The following SCARA5 variants were observed in gnomAD, a reference collection of about 807,000 sequenced individuals.
SCARA5 encodes the protein scavenger receptor class A, member 5 (putative).
Under a neutral mutation model 46.3 loss-of-function variants are expected in SCARA5, and 45 were observed. The ratio of observed to expected loss-of-function variants is 0.97; its 90% CI spans 0.76 to 1.24. The LOEUF (loss-of-function observed/expected upper bound fraction) is 1.24. Ranked by LOEUF, SCARA5 falls within the 50% of genes most tolerant of loss-of-function variation. SCARA5 has a pLI of 0.00. For synonymous variants in SCARA5, 333 were observed against 306.5 expected (o/e 1.09, Z -0.90); for missense variants, 680 against 689.0 (o/e 0.99, Z 0.15).
intron 2 of SCARA5, among the ~76,000 whole-genome samples, chr8:27,987,216 C>T (rs922413029): frequency 3.3e-5 from 5 of 152,230 alleles, no homozygotes; most frequent in Admixed American, 3.3e-4. Context: ...GGAGCAGAAG[C>T]ATGGCCCTCG....
At chr8:27,984,140 C>A (rs1297669211) in intron 2 of SCARA5, among the ~76,000 whole-genome samples, 1 of 152,148 alleles carries the variant, frequency 6.6e-6, no homozygotes, top group Non-Finnish European at 1.5e-5. Context: ...TCTTCCTCTC[C>A]CATTTCACTC....
chr8:27,984,819 C>A (rs1439958649), intron 2 of SCARA5, among the ~76,000 whole-genome samples: 1 of 151,884 alleles, frequency 6.6e-6, no homozygotes, highest in African/African-American at 2.4e-5. Flanking sequence ...ATTCATCCAT[C>A]CTTTCATCTA....
intron 3 of SCARA5, among the ~76,000 whole-genome samples, chr8:27,958,582 G>C (rs1808241927): frequency 6.6e-6 from 1 of 152,232 alleles, no homozygotes; most frequent in African/African-American, 2.4e-5. Context: ...GGGACTATAG[G>C]GACATGGTTG....
chr8:27,942,198 A>G (rs1807957542), intron 3 of SCARA5, among the ~76,000 whole-genome samples: 1 of 152,138 alleles, frequency 6.6e-6, no homozygotes, highest in Non-Finnish European at 1.5e-5. Flanking sequence ...AGTGACAGCC[A>G]GGCCTCGAGA....
At chr8:27,928,235 C>T (rs1185604111) in intron 3 of SCARA5, among the ~76,000 whole-genome samples, 1 of 152,220 alleles carries the variant, frequency 6.6e-6, no homozygotes, top group African/African-American at 2.4e-5. Flanking sequence ...GAGTGTGACT[C>T]TCTTAATTCA....
At chr8:27,919,854 GCCC>G (rs1807552952) in intron 4 of SCARA5, among the ~76,000 whole-genome samples, 1 of 150,076 alleles carries the variant, frequency 6.7e-6, no homozygotes, top group African/African-American at 2.5e-5. Context: ...TTCAAAAGAT[GCCC>G]ACATGAGATA....
rs1563510534 is a variant in SCARA5 at position 27,879,625 on chromosome 8, C to G, written c.1295G>C (p.Arg432Pro). ...WDKKDGDVVC[R>P]MLGFRGVEEV... ...CTCCACACCGCGGAAGCCGAGCATG[C>G]GGCACACCACGTCTCCGTCCTTCTT... Residue 432 changes from arginine (R) to proline (P), a missense_variant, in exon 8 of 9, where the codon CGC becomes CCC. Transcript: ENST00000354914. 6.2e-7 allele frequency: 1 copy of G among 1,611,908 alleles called. No individual in the cohort carries two copies. The highest frequency in any genetic ancestry group is 8.5e-7 in the Non-Finnish European group (1 of 1,180,010).
intron 8 of SCARA5, among the ~76,000 whole-genome samples, chr8:27,878,736 C>T (rs145294679): frequency 6.6e-6 from 1 of 152,276 alleles, no homozygotes; most frequent in East Asian, 1.9e-4. Flanking sequence ...CTGACATTTG[C>T]TAGCTGTGTG....
At position 27,922,161 on chromosome 8, in the gene SCARA5, T is replaced by C. The variant is rs771317421; in HGVS notation, c.326A>G (p.Gln109Arg). The change falls in exon 4 of 9, where the codon CAG becomes CGG. Residue 109 changes from glutamine to arginine, a missense_variant. Around this residue, in one of 3 missense-constraint regions of SCARA5, gnomAD observed 438 missense variants for 384.5 expected, o/e 1.14. Transcript: ENST00000354914. ...NRLNESFRDL[Q>R]LRLLQAPLQA... ...CAGCGGAGCCTGCAGCAGCCGCAGCTGCAAGTCCCGGAAGCTCTCATTCAG... is the reference window on the plus strand; with the variant it reads ...CAGCGGAGCCTGCAGCAGCCGCAGCCGCAAGTCCCGGAAGCTCTCATTCAG... The C allele has an allele frequency of 1.6e-5, 26 of 1,608,464 alleles. No homozygotes were observed. Among genetic ancestry groups the C allele is most frequent in the Non-Finnish European group, 2.2e-5 (26 of 1,178,152 alleles).
intron 2 of SCARA5, among the ~76,000 whole-genome samples, chr8:27,980,457 C>G (rs1322825721): frequency 6.6e-6 from 1 of 152,202 alleles, no homozygotes; most frequent in East Asian, 1.9e-4. Flanking sequence ...GCATCCCCCT[C>G]AGACCCTCCT....
At chr8:27,985,462 T>A (rs915689779) in intron 2 of SCARA5, among the ~76,000 whole-genome samples, 5 of 152,330 alleles carry the variant, frequency 3.3e-5, no homozygotes, top group African/African-American at 1.2e-4. Context: ...CCTGCTGAAG[T>A]GGGAGCCACA....
chr8:27,917,957 C>T (rs1032609818), intron 4 of SCARA5, among the ~76,000 whole-genome samples: 1 of 152,146 alleles, frequency 6.6e-6, no homozygotes, highest in East Asian at 1.9e-4. Flanking sequence ...GGAACCCAAA[C>T]TGGGTAGGGG....
intron 2 of SCARA5, among the ~76,000 whole-genome samples, chr8:27,977,816 C>T (rs1808549718): frequency 6.6e-6 from 1 of 152,236 alleles, no homozygotes; most frequent in South Asian, 2.1e-4. Flanking sequence ...GGGCCATTTG[C>T]TTCGAGCACA....
In SCARA5 at chr8:27,987,522, G is replaced by T; in HGVS notation, c.94C>A (p.Leu32Met). ...DSFDGRSLSK[L>M]NLCEDGPCHK... ...CACTCACCATCCTCACACAGGTTCA[G>T]CTTGGACAGGCTCCTGCCATCAAAG... is the stretch of plus-strand genomic sequence containing the variant. Residue 32 changes from leucine to methionine, a missense_variant, in exon 2 of 9, where the codon CTG becomes ATG. Coordinates refer to ENST00000354914, the MANE Select transcript of SCARA5 (RefSeq NM_173833.6). 1 of 1,613,378 alleles carries T rather than the reference G, an allele frequency of 6.2e-7. No homozygotes were observed. The highest frequency in any genetic ancestry group is 8.5e-7 in the Non-Finnish European group (1 of 1,179,394).
At chr8:27,986,934 G>C (rs1364532096) in intron 2 of SCARA5, among the ~76,000 whole-genome samples, 1 of 152,178 alleles carries the variant, frequency 6.6e-6, no homozygotes, top group African/African-American at 2.4e-5. Context: ...AAGCGCTCTG[G>C]GCTCCTCCAA....
At chr8:27,935,556 G>T (rs1585499895) in intron 3 of SCARA5, among the ~76,000 whole-genome samples, 1 of 152,162 alleles carries the variant, frequency 6.6e-6, no homozygotes, top group Non-Finnish European at 1.5e-5. Flanking sequence ...AGCAAGCAGG[G>T]TGACAGCACC....
At chr8:27,947,567 C>T (rs1808057409) in intron 3 of SCARA5, among the ~76,000 whole-genome samples, 1 of 152,164 alleles carries the variant, frequency 6.6e-6, no homozygotes, top group Non-Finnish European at 1.5e-5. Flanking sequence ...GAAATTCTGA[C>T]CCCTGCTTCA....
chr8:27,959,875 C>T (rs1393397823), intron 3 of SCARA5, among the ~76,000 whole-genome samples: 1 of 152,202 alleles, frequency 6.6e-6, no homozygotes, highest in Non-Finnish European at 1.5e-5. Context: ...CCATTGCTGG[C>T]TCCATCGCTC....
Position 27,973,074 on chromosome 8 carries a change from A to G in SCARA5, c.113-6532T>C, listed in dbSNP as rs927150020. ...AACAGCAAAGCAAACACATGTGAAC[A>G]GTTATTTTTGTGGCAAAGACTGTCT... On this transcript the variant is annotated intron_variant, in intron 2 of 8. Coordinates refer to ENST00000354914, the MANE Select transcript of SCARA5 (RefSeq NM_173833.6). 2.6e-5 allele frequency among the ~76,000 whole-genome samples: 4 copies of G among 152,358 alleles called. No homozygotes were observed. In the East Asian group the frequency reaches 5.8e-4, roughly 22 times the overall value.
Sources: gnomAD v4.1 joint callset for allele counts (sites outside exome capture counted in the v4.1 genomes callset) on GRCh38, gnomAD v4.1.1 for gene constraint, gnomAD v4.1.1 regional missense constraint, MANE v1.5 for transcripts, NCBI Gene and HGNC (gene_info 2026-07-23, HGNC 2026-07-21) for gene names.